FGF13: variants seen among roughly 807,000 people sequenced by gnomAD.
FGF13 encodes fibroblast growth factor homologous factor 2.
FGF13 carries 2 observed loss-of-function variants against 19.5 expected under a neutral mutation model. The observed-to-expected ratio is 0.10, with a 90% CI of 0.04 to 0.32. The LOEUF is 0.32. FGF13 is among the 10% of genes least tolerant of loss of function. FGF13 has a pLI of 1.00. For missense variants in FGF13, 113 were observed against 192.7 expected (o/e 0.59, Z 2.45); for synonymous variants, 72 against 76.9 (o/e 0.94, Z 0.33).
chrX:138,835,822 C>T (rs1170581642), intron 3 of FGF13, among the ~76,000 whole-genome samples: 1 of 111,633 alleles, frequency 9.0e-6, no homozygotes, highest in Non-Finnish European at 1.9e-5. Flanking sequence ...GTGCTTCTTT[C>T]AGGAGCTCTT....
At chrX:138,649,589 C>T (rs762765101) in intron 3 of FGF13, among the ~76,000 whole-genome samples, 1 of 112,160 alleles carries the variant, frequency 8.9e-6, no homozygotes, top group African/African-American at 3.2e-5. Flanking sequence ...TCCATTTGCT[C>T]TGCTTTGAAG....
rs186340194 is a variant in FGF13 at position 139,099,575 on chromosome X, T to C, written c.-113+103841A>G. On this transcript the variant is annotated intron_variant, in intron 1 of 2. Transcript: ENST00000421460. ...TCAACTTTCTGCCCTTGAGCCTTTA[T>C]GTTACTGTCCTCTCCCCTGTCCTTG... Among the ~76,000 whole-genome samples the C allele has an allele frequency of 6.3e-5, 7 of 110,256 alleles. No individual in the cohort carries two copies. In the Admixed American group the frequency reaches 6.8e-4, roughly 11 times the overall value.
At chrX:139,005,752 AAAC>A (rs1450367619) in intron 1 of FGF13, among the ~76,000 whole-genome samples, 3 of 108,055 alleles carry the variant, frequency 2.8e-5, no homozygotes, top group Non-Finnish European at 5.7e-5. Context: ...AAACAAAAAA[AAAC>A]CAGAAATTCT....
At chrX:139,086,805 T>C (rs189559140) in intron 1 of FGF13, among the ~76,000 whole-genome samples, 1 of 113,055 alleles carries the variant, frequency 8.8e-6, no homozygotes, top group East Asian at 2.8e-4. Flanking sequence ...TGATTATTCA[T>C]GTGAAAATTT....
At chrX:139,141,579 T>C (rs754574642) in intron 1 of FGF13, among the ~76,000 whole-genome samples, 1 of 111,907 alleles carries the variant, frequency 8.9e-6, no homozygotes, top group Non-Finnish European at 1.9e-5. Context: ...TGATAAGCCT[T>C]CACACATGCT....
Position 138,903,132 on chromosome X carries a change from G to A in FGF13, c.-112-38482C>T, listed in dbSNP as rs1239335946. ...TTTCTAAATTCCCATTACTGAATAT[G>A]CCAACAATCAAATTTTAAGGTTGAT... On this transcript the variant is annotated intron_variant, in intron 1 of 2. Transcript: ENST00000421460. Among the ~76,000 whole-genome samples, 9 of 111,829 alleles carry A rather than the reference G, an allele frequency of 8.0e-5. No individual in the cohort carries two copies. In the East Asian group the frequency reaches 2.0e-3, roughly 24 times the overall value.
intron 1 of FGF13, among the ~76,000 whole-genome samples, chrX:139,022,833 T>C (rs750957530): frequency 9.0e-6 from 1 of 111,453 alleles, no homozygotes; most frequent in Non-Finnish European, 1.9e-5. Context: ...TTGAAATGAA[T>C]AGCACACTCT....
chrX:138,892,002 A>ATATATGTGTGTGTGTGTGTGTGTGTG (rs756839627), intron 1 of FGF13, among the ~76,000 whole-genome samples: 79 of 90,384 alleles, frequency 8.7e-4, no homozygotes, highest in African/African-American at 3.1e-3. Context: ...ATATATACAT[A>ATATATGTGTGTGTGTGTGTGTGTGTG]TGTGTGTGTG....
intron 1 of FGF13, among the ~76,000 whole-genome samples, chrX:139,191,877 G>A (rs978640881): frequency 9.0e-6 from 1 of 111,436 alleles, no homozygotes; most frequent in African/African-American, 3.3e-5. Context: ...CTATCATAAG[G>A]GTCAAAATAT....
At chrX:139,159,873 TC>T (rs753767471) in intron 1 of FGF13, among the ~76,000 whole-genome samples, 5 of 110,494 alleles carry the variant, frequency 4.5e-5, no homozygotes, top group Non-Finnish European at 9.4e-5. Context: ...AGAATTAGAC[TC>T]CCACACAATA....
chrX:139,098,722 G>A (rs147185663), intron 1 of FGF13, among the ~76,000 whole-genome samples: 1,708 of 110,715 alleles, frequency 0.015, 39 homozygotes, highest in African/African-American at 0.053. Context: ...AGGCACTGGA[G>A]ACTCCAAAAG....
At chrX:139,124,123 T>G (rs992166721) in intron 1 of FGF13, among the ~76,000 whole-genome samples, 1 of 112,244 alleles carries the variant, frequency 8.9e-6, no homozygotes, top group Admixed American at 9.4e-5. Flanking sequence ...GAGTTTCTCT[T>G]TGTTCACCAG....
intron 3 of FGF13, among the ~76,000 whole-genome samples, chrX:138,794,960 G>C (rs1213393826): frequency 1.8e-5 from 2 of 112,143 alleles, no homozygotes; most frequent in Non-Finnish European, 3.8e-5. Flanking sequence ...GTTTCTCCAT[G>C]AAAGTATGCA....
At chrX:138,894,112 C>G (rs1215050242) in intron 1 of FGF13, among the ~76,000 whole-genome samples, 1 of 109,767 alleles carries the variant, frequency 9.1e-6, no homozygotes, top group African/African-American at 3.4e-5. Context: ...AACTTACTGT[C>G]TTTATTAATC....
At chrX:138,673,336 T>C (rs1362444906) in intron 3 of FGF13, among the ~76,000 whole-genome samples, 1 of 111,199 alleles carries the variant, frequency 9.0e-6, no homozygotes, top group Non-Finnish European at 1.9e-5. Flanking sequence ...GGGGATTGGT[T>C]TGACCAGGCA....
chrX:138,891,791 A>G (rs908974556), intron 1 of FGF13, among the ~76,000 whole-genome samples: 6 of 110,425 alleles, frequency 5.4e-5, no homozygotes, highest in Non-Finnish European at 1.1e-4. Context: ...AGCAGGCAGA[A>G]AAACATGAAA....
chrX:138,920,241 A>G (rs2091637928), intron 1 of FGF13, among the ~76,000 whole-genome samples: 1 of 111,470 alleles, frequency 9.0e-6, no homozygotes, highest in Admixed American at 9.5e-5. Context: ...TATGACTGTC[A>G]CTAATTAGCT....
At position 138,626,309 on chromosome X, in the gene FGF13, T is replaced by C. The variant is rs1226166648; in HGVS notation, c.*6541A>G. On this transcript the variant is annotated 3_prime_UTR_variant, in exon 5 of 5. Transcript: ENST00000315930. ...AATATTTTAGAGATACCCAGTGCTA[T>C]TTCATGTGCCTTTCATGTGAAGCTC... 1 of 112,135 alleles carries C rather than the reference T, an allele frequency of 8.9e-6. No individual in the cohort carries two copies. The highest frequency in any genetic ancestry group is 1.9e-5 in the Non-Finnish European group (1 of 53,211). 9.2% of individuals were successfully genotyped at this position (112,135 alleles called of 1,213,427 possible).
At chrX:138,681,039 T>G (rs2089722904) in intron 3 of FGF13, among the ~76,000 whole-genome samples, 2 of 108,807 alleles carry the variant, frequency 1.8e-5, no homozygotes, top group Non-Finnish European at 3.8e-5. Flanking sequence ...CCTGGCGTGG[T>G]GGCAGGCACC....
Sources: allele counts gnomAD v4.1 joint callset (sites outside exome capture counted in the v4.1 genomes callset), GRCh38; gene constraint gnomAD v4.1.1; transcripts MANE v1.5; gene names NCBI Gene and HGNC (gene_info 2026-07-23, HGNC 2026-07-21).